Variants in IGF2BP3 observed in about 807,000 individuals in gnomAD.
The protein encoded by IGF2BP3 is insulin-like growth factor 2 mRNA-binding protein 3.
In IGF2BP3, 9 loss-of-function variants were observed where a neutral mutation model predicts 73.8. That is an observed-to-expected ratio of 0.12 (90% CI 0.07 to 0.21). The LOEUF (loss-of-function observed/expected upper bound fraction) is 0.21. IGF2BP3 is among the 10% of genes least tolerant of loss of function. The probability of loss-of-function intolerance (pLI) is 1.00; values close to 1 mark genes in which losing one functional copy is unlikely to be tolerated. For missense variants in IGF2BP3, 542 were observed against 714.0 expected (o/e 0.76, Z 2.75); for synonymous variants, 258 against 256.7 (o/e 1.01, Z -0.05).
chr7:23,414,842 C>T (rs1341348873), intron 3 of IGF2BP3: 1 of 171,756 alleles, frequency 5.8e-6, no homozygotes, highest in African/African-American at 2.4e-5. Flanking sequence ...CATCAGTCGA[C>T]ATCAGCAGGC....
At chr7:23,393,993 G>A (rs1229455822) in intron 3 of IGF2BP3, among the ~76,000 whole-genome samples, 1 of 152,056 alleles carries the variant, frequency 6.6e-6, no homozygotes, top group Non-Finnish European at 1.5e-5. Context: ...AAGACTTTCT[G>A]ATAAGGCAAA....
chr7:23,424,927 G>T (rs998074900), intron 2 of IGF2BP3, among the ~76,000 whole-genome samples: 1 of 152,200 alleles, frequency 6.6e-6, no homozygotes, highest in Non-Finnish European at 1.5e-5. Flanking sequence ...TAACGAGTAT[G>T]ATAATCTGAT....
intron 2 of IGF2BP3, 32 bp downstream of exon 2, chr7:23,468,450 C>T (rs1418632470): frequency 6.2e-7 from 1 of 1,612,308 alleles, no homozygotes; most frequent in Non-Finnish European, 8.5e-7. Context: ...GGAGTGAGAA[C>T]AGAATCGGGG....
chr7:23,389,071 A>T (rs1296493641), intron 3 of IGF2BP3, among the ~76,000 whole-genome samples: 1 of 152,214 alleles, frequency 6.6e-6, no homozygotes, highest in African/African-American at 2.4e-5. Context: ...TATGTCCATC[A>T]TACTTCAATA....
intron 2 of IGF2BP3, among the ~76,000 whole-genome samples, chr7:23,445,319 T>C (rs1411418859): frequency 6.6e-6 from 1 of 152,216 alleles, no homozygotes; most frequent in Non-Finnish European, 1.5e-5. Context: ...CCTGTGGGTG[T>C]TTTGTATACA....
chr7:23,386,056 T>C (rs759687735), intron 3 of IGF2BP3, among the ~76,000 whole-genome samples: 2 of 152,258 alleles, frequency 1.3e-5, no homozygotes, highest in Non-Finnish European at 2.9e-5. Flanking sequence ...AATTATCTGA[T>C]AGAGAGAGGT....
At chr7:23,356,035 A>G (rs1205803774) in intron 5 of IGF2BP3, among the ~76,000 whole-genome samples, 7 of 152,138 alleles carry the variant, frequency 4.6e-5, no homozygotes, top group Non-Finnish European at 1.0e-4. Context: ...AGAGGGGGAA[A>G]GAGAAAGAAA....
At chr7:23,335,757 G>A (rs1583901042) in intron 10 of IGF2BP3, among the ~76,000 whole-genome samples, 1 of 152,304 alleles carries the variant, frequency 6.6e-6, no homozygotes, top group Non-Finnish European at 1.5e-5. Context: ...CAATCCAACT[G>A]TATGCTGCCA....
Position 23,340,246 on chromosome 7 carries a change from G to C in IGF2BP3, c.1203+1818C>G, listed in dbSNP as rs181810664. On this transcript the variant is annotated intron_variant, in intron 10 of 14. Transcript: ENST00000258729. ...ACACTTCACTTGTAGCTGAAATTTT[G>C]ATGGCTATCATTCTGTTACATGATT... 2.2e-3 allele frequency among the ~76,000 whole-genome samples: 342 copies of C among 152,158 alleles called. 5 individuals are homozygous for C. The highest frequency in any genetic ancestry group is 0.015 in the South Asian group (74 of 4,816).
chr7:23,365,244 G>C (rs1048230614), intron 3 of IGF2BP3, among the ~76,000 whole-genome samples: 1 of 152,176 alleles, frequency 6.6e-6, no homozygotes, highest in Non-Finnish European at 1.5e-5. Context: ...CAGGGGTAGA[G>C]GAGGGGTTCA....
chr7:23,357,276 CTTT>C (rs201996068), intron 5 of IGF2BP3, among the ~76,000 whole-genome samples: 6 of 143,762 alleles, frequency 4.2e-5, no homozygotes, highest in Admixed American at 7.0e-5. Context: ...TAGTTTCTTT[CTTT>C]TTTTTTTTTT....
intron 3 of IGF2BP3, among the ~76,000 whole-genome samples, chr7:23,396,130 C>T (rs1190619725): frequency 1.3e-5 from 2 of 150,712 alleles, no homozygotes; most frequent in Admixed American, 1.3e-4. Flanking sequence ...TACTGACCAG[C>T]AAGTCCACAC....
At chr7:23,327,528 G>A (rs1230623794) in intron 10 of IGF2BP3, among the ~76,000 whole-genome samples, 2 of 152,000 alleles carry the variant, frequency 1.3e-5, no homozygotes, top group African/African-American at 4.8e-5. Flanking sequence ...TGATCCGCCC[G>A]CCTCGGCCTC....
chr7:23,364,743 T>C (rs1785325560), intron 3 of IGF2BP3, among the ~76,000 whole-genome samples: 1 of 152,110 alleles, frequency 6.6e-6, no homozygotes, highest in Non-Finnish European at 1.5e-5. Flanking sequence ...ATGTCTACCA[T>C]TAAAATTTAG....
chr7:23,404,552 C>T lies in IGF2BP3; in HGVS notation c.285+14224G>A, dbSNP rs369595626. Among the ~76,000 whole-genome samples the T allele has an allele frequency of 1.6e-4, 24 of 152,282 alleles. 1 individual carries two copies. The highest frequency in any genetic ancestry group is 9.8e-4 in the Admixed American group (15 of 15,298). ...TTCAACCAACACTTAACTTACTGAGCACCACCTTTGTCTACCAGATTGGAA... is the reference window on the plus strand; with the variant it reads ...TTCAACCAACACTTAACTTACTGAGTACCACCTTTGTCTACCAGATTGGAA... On this transcript the variant is annotated intron_variant, in intron 3 of 14. Transcript: ENST00000258729.
rs57634623 is a variant in IGF2BP3, at chr7:23,407,960, CGGGG to C, written c.285+10812_285+10815del. ...TTTGTGGGGGGCAGGGGGCGGGGGGCGGGGGGGGGGGGAGTCAATGTAATTCATT... is the reference window on the plus strand; with the variant it reads ...TTTGTGGGGGGCAGGGGGCGGGGGGCGGGGGGGGAGTCAATGTAATTCATT... On this transcript the variant is annotated intron_variant, in intron 3 of 14. Coordinates refer to ENST00000258729, the MANE Select transcript of IGF2BP3 (RefSeq NM_006547.3). Among the ~76,000 whole-genome samples, 136 of 66,004 alleles carry C rather than the reference CGGGG, an allele frequency of 2.1e-3. 1 individual carries two copies. Among genetic ancestry groups the C allele is most frequent in the African/African-American group, 4.8e-3 (107 of 22,416 alleles). The allele number at this position is 66,004 out of a possible 152,430, so 43.3% of individuals were successfully genotyped here.
intron 7 of IGF2BP3, among the ~76,000 whole-genome samples, chr7:23,347,235 G>T (rs1487096321): frequency 6.6e-6 from 1 of 152,068 alleles, no homozygotes; most frequent in Admixed American, 6.6e-5. Flanking sequence ...CTCCAAGGTG[G>T]GGCCAGGCAG....
At chr7:23,441,065 A>G (rs551761846) in intron 2 of IGF2BP3, among the ~76,000 whole-genome samples, 41 of 152,294 alleles carry the variant, frequency 2.7e-4, no homozygotes, top group African/African-American at 9.1e-4. Context: ...AAGAATAGCA[A>G]ATAATATACT....
At chr7:23,391,585 C>G (rs1311796138) in intron 3 of IGF2BP3, among the ~76,000 whole-genome samples, 4 of 152,066 alleles carry the variant, frequency 2.6e-5, no homozygotes, top group Non-Finnish European at 4.4e-5. Flanking sequence ...GGAACTGAGC[C>G]CCAAACAAAA....
Sources: allele counts gnomAD v4.1 joint callset (sites outside exome capture counted in the v4.1 genomes callset), GRCh38; gene constraint gnomAD v4.1.1; transcripts MANE v1.5; gene names NCBI Gene and HGNC (gene_info 2026-07-23, HGNC 2026-07-21).